The following PPFIA2 variants were observed in gnomAD, a reference collection of about 807,000 sequenced individuals.
PPFIA2 encodes liprin-alpha-2.
In PPFIA2, 46 loss-of-function variants were observed where a neutral mutation model predicts 175.5. The observed-to-expected ratio is 0.26, with a 90% confidence interval of 0.21 to 0.34. PPFIA2 has a LOEUF of 0.34. Ranked by LOEUF, PPFIA2 falls within the 10% of genes least tolerant of loss-of-function variation. The pLI, the probability that PPFIA2 is intolerant of heterozygous loss-of-function variation, is 1.00. For synonymous variants in PPFIA2, 568 were observed against 511.4 expected, an observed-to-expected ratio of 1.11 and a Z score of -1.49; for missense variants, 1,179 against 1,506.1, an observed-to-expected ratio of 0.78 and a Z score of 3.60.
At chr12:81,447,358 T>C (rs1173209173) in intron 5 of PPFIA2, among the ~76,000 whole-genome samples, 1 of 152,146 alleles carries the variant, frequency 6.6e-6, no homozygotes, top group Non-Finnish European at 1.5e-5. Flanking sequence ...CTGATGTCAA[T>C]CTTTCGCTGG....
chr12:81,276,985 C>T (rs2040687168), intron 28 of PPFIA2, among the ~76,000 whole-genome samples: 1 of 152,138 alleles, frequency 6.6e-6, no homozygotes, highest in Non-Finnish European at 1.5e-5. Flanking sequence ...TTCTCTGAAT[C>T]ATACTGAGAA....
At chr12:81,260,225 G>C (rs1027662129) in intron 32 of PPFIA2, 1 of 152,100 alleles carries the variant, frequency 6.6e-6, no homozygotes, top group Non-Finnish European at 1.5e-5. Flanking sequence ...AATATCAAAA[G>C]TGTTGTTGTT....
At chr12:81,661,032 G>A (rs1206382683) in intron 4 of PPFIA2, among the ~76,000 whole-genome samples, 3 of 152,140 alleles carry the variant, frequency 2.0e-5, no homozygotes, top group African/African-American at 7.2e-5. Flanking sequence ...TGCACTAAAA[G>A]AGCTCCTGAA....
At chr12:81,314,345 T>G (rs1291836067) in intron 22 of PPFIA2, among the ~76,000 whole-genome samples, 2 of 151,956 alleles carry the variant, frequency 1.3e-5, no homozygotes, top group Admixed American at 6.6e-5. Context: ...CTCATTATTT[T>G]TCTCTCCATG....
intron 4 of PPFIA2, among the ~76,000 whole-genome samples, chr12:81,520,993 T>C (rs1414271563): frequency 1.3e-5 from 2 of 152,194 alleles, no homozygotes; most frequent in Non-Finnish European, 2.9e-5. Flanking sequence ...ATATAAACAT[T>C]GTAAAACATA....
intron 4 of PPFIA2, among the ~76,000 whole-genome samples, chr12:81,645,177 T>G (rs1382803974): frequency 6.7e-6 from 1 of 149,446 alleles, no homozygotes; most frequent in Non-Finnish European, 1.5e-5. Context: ...GAAAGAGAGA[T>G]AAAGGGAAAG....
chr12:81,357,215 T>C (rs964413572), intron 16 of PPFIA2, among the ~76,000 whole-genome samples: 2 of 152,162 alleles, frequency 1.3e-5, no homozygotes, highest in African/African-American at 4.8e-5. Context: ...GAGAAAAGAA[T>C]TGAGATTAAC....
chr12:81,731,374 T>C (rs994482295), intron 3 of PPFIA2, among the ~76,000 whole-genome samples: 4 of 151,652 alleles, frequency 2.6e-5, no homozygotes, highest in Non-Finnish European at 5.9e-5. Flanking sequence ...TTTTTTGTAA[T>C]TTCTCTTGGC....
chr12:81,473,210 C>A (rs1048855238), intron 4 of PPFIA2, among the ~76,000 whole-genome samples: 3 of 152,150 alleles, frequency 2.0e-5, no homozygotes, highest in African/African-American at 7.2e-5. Context: ...GAGTTCCAGA[C>A]CAGCCTGGCC....
At chr12:81,573,583 A>T (rs2072969220) in intron 4 of PPFIA2, among the ~76,000 whole-genome samples, 1 of 151,824 alleles carries the variant, frequency 6.6e-6, no homozygotes, top group Non-Finnish European at 1.5e-5. Context: ...GTAAATGTGA[A>T]TCTCCACACT....
intron 7 of PPFIA2, among the ~76,000 whole-genome samples, chr12:81,435,535 T>A (rs2048820418): frequency 6.6e-6 from 1 of 151,076 alleles, no homozygotes; most frequent in African/African-American, 2.4e-5. Flanking sequence ...TCCAAACCCA[T>A]CCGTGAGAAT....
At chr12:81,275,931 C>T (rs980337420) in intron 28 of PPFIA2, among the ~76,000 whole-genome samples, 6 of 151,520 alleles carry the variant, frequency 4.0e-5, no homozygotes, top group Non-Finnish European at 7.4e-5. Flanking sequence ...ACTACAGGCG[C>T]CTGCCACCAC....
intron 4 of PPFIA2, among the ~76,000 whole-genome samples, chr12:81,521,274 C>A (rs540312598): frequency 6.6e-6 from 1 of 151,662 alleles, no homozygotes; most frequent in South Asian, 2.1e-4. Flanking sequence ...CTTCTGCATG[C>A]CCTCTTTAAC....
chr12:81,410,404 G>A (rs975582078), intron 7 of PPFIA2, among the ~76,000 whole-genome samples: 30 of 151,964 alleles, frequency 2.0e-4, no homozygotes, highest in African/African-American at 7.0e-4. Flanking sequence ...TTATTTCCAA[G>A]GGCTGATACC....
intron 8 of PPFIA2, among the ~76,000 whole-genome samples, chr12:81,397,308 A>C (rs1447200679): frequency 6.6e-6 from 1 of 152,058 alleles, no homozygotes; most frequent in Non-Finnish European, 1.5e-5. Context: ...ATGCCAAGAC[A>C]GACTTATCAT....
chr12:81,453,523 G>A (rs1412624281), intron 5 of PPFIA2, among the ~76,000 whole-genome samples: 1 of 151,926 alleles, frequency 6.6e-6, no homozygotes, highest in African/African-American at 2.4e-5. Context: ...ACTTGCCAAA[G>A]TATGGTCAGA....
intron 4 of PPFIA2, among the ~76,000 whole-genome samples, chr12:81,518,526 C>G (rs193049647): frequency 7.2e-5 from 11 of 152,258 alleles, no homozygotes; most frequent in African/African-American, 2.4e-4. Context: ...TACAACCCAT[C>G]ATGGTAAGCA....
At chr12:81,338,016 C>A (rs1056186592) in intron 21 of PPFIA2, among the ~76,000 whole-genome samples, 3 of 152,036 alleles carry the variant, frequency 2.0e-5, no homozygotes, top group Non-Finnish European at 2.9e-5. Context: ...CACACACTGG[C>A]CACACATCAG....
At chr12:81,509,703 T>A (rs2061568681) in intron 4 of PPFIA2, among the ~76,000 whole-genome samples, 1 of 151,972 alleles carries the variant, frequency 6.6e-6, no homozygotes, top group African/African-American at 2.4e-5. Flanking sequence ...TACTCACTTC[T>A]ACAACCATAT....
Sources: gnomAD v4.1 joint callset for allele counts (sites outside exome capture counted in the v4.1 genomes callset) on GRCh38, gnomAD v4.1.1 for gene constraint, MANE v1.5 for transcripts, NCBI Gene and HGNC (gene_info 2026-07-23, HGNC 2026-07-21) for gene names.